Variants in FABP12 observed in about 807,000 individuals in gnomAD.
The protein encoded by FABP12 is fatty acid binding protein 12.
In FABP12, 19 loss-of-function variants were observed where a neutral mutation model predicts 13.7. The ratio of observed to expected loss-of-function variants is 1.39; its 90% CI spans 0.97 to 2.04. FABP12 has a LOEUF of 2.04. Ranked by LOEUF, FABP12 falls within the 30% of genes most tolerant of loss-of-function variation. The probability of loss-of-function intolerance (pLI) is 0.00; values close to 1 mark genes in which losing one functional copy is unlikely to be tolerated. For synonymous variants in FABP12, 61 were observed against 57.0 expected (o/e 1.07, Z -0.32); for missense variants, 182 against 164.2 (o/e 1.11, Z -0.59).
At chr8:81,539,365 T>C (rs900729273) in intron 2 of FABP12, among the ~76,000 whole-genome samples, 1 of 148,098 alleles carries the variant, frequency 6.8e-6, no homozygotes, top group African/African-American at 2.5e-5. Context: ...AATTATATGA[T>C]AAAATTATAT....
At chr8:81,572,274 A>G (rs1388472210) in intron 1 of FABP12, among the ~76,000 whole-genome samples, 1 of 152,166 alleles carries the variant, frequency 6.6e-6, no homozygotes, top group Non-Finnish European at 1.5e-5. Context: ...GGTCACTGCA[A>G]ATGCTGTTAA....
chr8:81,575,824 G>T (rs748245568), intron 1 of FABP12, among the ~76,000 whole-genome samples: 8 of 152,108 alleles, frequency 5.3e-5, no homozygotes, highest in Non-Finnish European at 1.2e-4. Flanking sequence ...TCTCATGGGA[G>T]CCTGAACCCT....
chr8:81,555,097 A>C (rs1343127348), intron 1 of FABP12, among the ~76,000 whole-genome samples: 2 of 152,164 alleles, frequency 1.3e-5, no homozygotes, highest in Non-Finnish European at 2.9e-5. Context: ...CAGCTACTTC[A>C]CCCTTAATTC....
intron 1 of FABP12, among the ~76,000 whole-genome samples, chr8:81,581,909 C>T (rs1810169514): frequency 6.6e-6 from 1 of 151,790 alleles, no homozygotes; most frequent in Non-Finnish European, 1.5e-5. Context: ...AGAGCAAACA[C>T]ACAAACAAGG....
intron 1 of FABP12, among the ~76,000 whole-genome samples, chr8:81,587,087 A>C (rs914375179): frequency 6.6e-6 from 1 of 152,132 alleles, no homozygotes; most frequent in Non-Finnish European, 1.5e-5. Context: ...GGCTTTATTG[A>C]AGATCAGATG....
chr8:81,546,055 A>G (rs944960001), intron 1 of FABP12, among the ~76,000 whole-genome samples: 3 of 152,172 alleles, frequency 2.0e-5, no homozygotes, highest in South Asian at 4.1e-4. Flanking sequence ...ACCTTCATCA[A>G]TTAATGACTT....
At chr8:81,525,527 A>T (rs193241572) in intron 4 of FABP12, among the ~76,000 whole-genome samples, 1,680 of 145,942 alleles carry the variant, frequency 0.012, 21 homozygotes, top group African/African-American at 0.041. Context: ...AAAAAAAAAA[A>T]AAATAGATAG....
rs145391482 is a variant in FABP12 at position 81,572,195 on chromosome 8, G to T, written c.-185+17858C>A. On this transcript the variant is annotated intron_variant, in intron 1 of 5. Coordinates refer to the FABP12 transcript ENST00000692030. ...TAGCTTAGCTCCCACATATCAATGA[G>T]AATATACAATGCTTGGTTTTCCATT... Among the ~76,000 whole-genome samples, 338 of 151,608 alleles carry T rather than the reference G, an allele frequency of 2.2e-3. 2 individuals carry two copies. Among genetic ancestry groups the T allele is most frequent in the African/African-American group, 7.3e-3 (302 of 41,330 alleles).
intron 1 of FABP12, among the ~76,000 whole-genome samples, chr8:81,531,732 G>GA (rs960289147): frequency 6.6e-6 from 1 of 152,152 alleles, no homozygotes; most frequent in African/African-American, 2.4e-5. Context: ...AGATGATTCA[G>GA]AAAAAGCCAA....
intron 1 of FABP12, among the ~76,000 whole-genome samples, chr8:81,556,540 C>A (rs1809618763): frequency 6.9e-6 from 1 of 145,708 alleles, no homozygotes; most frequent in Non-Finnish European, 1.5e-5. Flanking sequence ...AGTCATTGTC[C>A]AGAAAGGACT....
chr8:81,548,089 T>C (rs1440313148), intron 1 of FABP12, among the ~76,000 whole-genome samples: 1 of 152,192 alleles, frequency 6.6e-6, no homozygotes, highest in East Asian at 1.9e-4. Flanking sequence ...TCACAGTAAC[T>C]GTGATTCTCA....
At chr8:81,570,248 A>G (rs1809902927) in intron 1 of FABP12, among the ~76,000 whole-genome samples, 1 of 152,196 alleles carries the variant, frequency 6.6e-6, no homozygotes, top group Admixed American at 6.5e-5. Context: ...TGGGATCCCC[A>G]AAGGGCTACA....
intron 1 of FABP12, among the ~76,000 whole-genome samples, chr8:81,559,677 C>G (rs1181063432): frequency 6.6e-6 from 1 of 152,248 alleles, no homozygotes; most frequent in Non-Finnish European, 1.5e-5. Flanking sequence ...CACTGGCTAA[C>G]TCTTTGCAGA....
chr8:81,585,648 G>GA lies in FABP12; in HGVS notation c.-185+4404dup, dbSNP rs372690560. Among the ~76,000 whole-genome samples, 225 of 152,190 alleles carry GA rather than the reference G, an allele frequency of 1.5e-3. 1 individual carries two copies. The highest frequency in any genetic ancestry group is 5.1e-3 in the African/African-American group (213 of 41,538). ...TTGGCATTTTGGTAGGAATTTTGAT[G>GA]AATCTGTAAATTGCTTTGGGTATTA... On this transcript the variant is annotated intron_variant, in intron 1 of 5. Transcript: ENST00000692030.
intron 4 of FABP12, 82 bp downstream of exon 4, chr8:81,526,937 CA>C: frequency 1.3e-6 from 1 of 764,636 alleles, no homozygotes; most frequent in Non-Finnish European, 2.1e-6. Flanking sequence ...AAATGGCATT[CA>C]TTTTCATTGT....
chr8:81,562,459 A>T (rs986603374), intron 1 of FABP12, among the ~76,000 whole-genome samples: 2 of 152,154 alleles, frequency 1.3e-5, no homozygotes, highest in African/African-American at 4.8e-5. Context: ...GTAGAACACC[A>T]GGTGTCATCT....
At chr8:81,570,259 G>T (rs1389738959) in intron 1 of FABP12, among the ~76,000 whole-genome samples, 2 of 152,194 alleles carry the variant, frequency 1.3e-5, no homozygotes, top group African/African-American at 4.8e-5. Context: ...AAGGGCTACA[G>T]ATCTTCTCTC....
chr8:81,530,296 A>T (rs932784087), intron 2 of FABP12, among the ~76,000 whole-genome samples: 2 of 151,942 alleles, frequency 1.3e-5, no homozygotes, highest in Non-Finnish European at 2.9e-5. Flanking sequence ...TTTCCATGTC[A>T]CTCTATATAG....
intron 1 of FABP12, among the ~76,000 whole-genome samples, chr8:81,576,504 CACACACAA>C (rs1162803064): frequency 2.7e-4 from 41 of 151,824 alleles, no homozygotes; most frequent in Admixed American, 2.6e-4. Context: ...CACAAACACA[CACACACAA>C]ACACACAAAC....
Sources: allele counts gnomAD v4.1 joint callset (sites outside exome capture counted in the v4.1 genomes callset), GRCh38; gene constraint gnomAD v4.1.1; transcripts MANE v1.5; gene names NCBI Gene and HGNC (gene_info 2026-07-23, HGNC 2026-07-21).